ZNF667: variants seen among roughly 807,000 people sequenced by gnomAD.
The protein encoded by ZNF667 is zinc finger protein 667.
A neutral mutation model predicts 31.8 loss-of-function variants in ZNF667; 13 were observed. The observed-to-expected ratio is 0.41, with a 90% CI of 0.27 to 0.65. The LOEUF is 0.65. Ranked by LOEUF, ZNF667 falls within the 30% of genes least tolerant of loss-of-function variation. The pLI, the probability that ZNF667 is intolerant of heterozygous loss-of-function variation, is 0.32. For missense variants in ZNF667, 642 were observed against 725.6 expected (o/e 0.88, Z 1.32); for synonymous variants, 228 against 247.1 (o/e 0.92, Z 0.73).
In ZNF667 at chr19:56,440,923, A is replaced by G; in HGVS notation, c.*239T>C. The G allele has an allele frequency of 7.4e-7, 1 of 1,347,002 alleles. No homozygotes were observed. The highest frequency in any genetic ancestry group is 1.8e-5 in the South Asian group (1 of 55,138). 83.4% of individuals were successfully genotyped at this position (1,347,002 alleles called of 1,614,324 possible). On this transcript the variant is annotated 3_prime_UTR_variant, in exon 7 of 7. Coordinates refer to ENST00000504904, the MANE Select transcript of ZNF667 (RefSeq NM_001321356.2). ...CAGGTGTAAGCCACTGCGCCCAGCC[A>G]GTAATTCTTATCAAATGAAAAATGA...
In ZNF667 at chr19:56,474,404, G is replaced by A. The variant is rs1032982686; in HGVS notation, c.-661-280C>T. 3.3e-5 allele frequency: 5 copies of A among 152,274 alleles called. No homozygotes were observed. The East Asian group carries it at 9.6e-4, about 29-fold the overall frequency. 9.4% of individuals were successfully genotyped at this position (152,274 alleles called of 1,614,324 possible). A position where few individuals can be genotyped will look rare whatever the true frequency, so the allele number is the denominator to read the frequency against. On this transcript the variant is annotated intron_variant, in intron 1 of 6. Coordinates refer to ENST00000504904, the MANE Select transcript of ZNF667 (RefSeq NM_001321356.2). ...CTGAACCTGCCAGCCCCAGAGGCCA[G>A]GGACATACGTAGGCAATTTCTCCAA...
At chr19:56,462,272 A>C in intron 4 of ZNF667, 66 bp downstream of exon 4, 1 of 1,597,462 alleles carries the variant, frequency 6.3e-7, no homozygotes, top group East Asian at 2.2e-5. Context: ...ATGGAAGGAA[A>C]GCAAATGGTC....
At chr19:56,474,543 G>C (rs2147854341) in intron 1 of ZNF667, 1 of 152,398 alleles carries the variant, frequency 6.6e-6, no homozygotes, top group Middle Eastern at 3.4e-3. Flanking sequence ...GCAGGATGGG[G>C]CTAGGAATAC....
chr19:56,469,531 C>A (rs1449476550), intron 3 of ZNF667, among the ~76,000 whole-genome samples: 4 of 152,156 alleles, frequency 2.6e-5, no homozygotes, highest in Admixed American at 1.3e-4. Context: ...TACACCCCCA[C>A]CCCCATGCCA....
chr19:56,458,691 A>G (rs2042984108), intron 5 of ZNF667, among the ~76,000 whole-genome samples: 1 of 152,148 alleles, frequency 6.6e-6, no homozygotes, highest in Non-Finnish European at 1.5e-5. Context: ...TAAAAACTCC[A>G]GTGGACTGGG....
At chr19:56,451,670 A>C (rs1236845891) in intron 6 of ZNF667, among the ~76,000 whole-genome samples, 1 of 152,024 alleles carries the variant, frequency 6.6e-6, no homozygotes, top group African/African-American at 2.4e-5. Context: ...ATAGTCCAAG[A>C]CCAGCCTGGG....
chr19:56,473,810 T>C (rs925809235), intron 2 of ZNF667, among the ~76,000 whole-genome samples: 4 of 152,108 alleles, frequency 2.6e-5, no homozygotes, highest in Admixed American at 6.5e-5. Flanking sequence ...AAACAAAATA[T>C]AGTATACAAA....
chr19:56,464,491 C>G (rs909996809), intron 3 of ZNF667, among the ~76,000 whole-genome samples: 1 of 152,142 alleles, frequency 6.6e-6, no homozygotes, highest in Non-Finnish European at 1.5e-5. Context: ...GAGACCCTGT[C>G]TCAAAAACAA....
At chr19:56,446,067 T>C (rs1301692808) in intron 6 of ZNF667, among the ~76,000 whole-genome samples, 1 of 152,244 alleles carries the variant, frequency 6.6e-6, no homozygotes, top group Non-Finnish European at 1.5e-5. Flanking sequence ...AGATTTTTAT[T>C]TGAATGTGGA....
chr19:56,448,969 G>A (rs1320594951), intron 6 of ZNF667, among the ~76,000 whole-genome samples: 1 of 152,174 alleles, frequency 6.6e-6, no homozygotes, highest in Non-Finnish European at 1.5e-5. Context: ...CAGAGACAGA[G>A]AGACTCCATT....
chr19:56,473,551 G>C (rs1444363420), intron 2 of ZNF667, among the ~76,000 whole-genome samples: 2 of 152,164 alleles, frequency 1.3e-5, no homozygotes, highest in East Asian at 3.9e-4. Context: ...CTAACTGGGG[G>C]TAATTTTGCC....
rs1223002603 is a variant in ZNF667 at position 56,440,814 on chromosome 19, T to C, written c.*348A>G. 18 of 744,166 alleles carry C rather than the reference T, an allele frequency of 2.4e-5. No individual in the cohort carries two copies. The highest frequency in any genetic ancestry group is 3.8e-5 in the African/African-American group (2 of 53,228). The allele number at this position is 744,166 out of a possible 1,614,324, so 46.1% of individuals were successfully genotyped here. ...ACCACGCCCAGCTAATTTTGTATTT[T>C]TTAGTAGAGACAGGGTTTCACCGTG... On this transcript the variant is annotated 3_prime_UTR_variant, in exon 7 of 7. Coordinates refer to ENST00000504904, the MANE Select transcript of ZNF667 (RefSeq NM_001321356.2).
At chr19:56,463,881 TTAAAATTATTGC>T (rs1409377468) in intron 3 of ZNF667, among the ~76,000 whole-genome samples, 10 of 152,160 alleles carry the variant, frequency 6.6e-5, no homozygotes, top group Non-Finnish European at 2.9e-5. Flanking sequence ...AAAATAAAAT[TTAAAATTATTGC>T]TAAAATTATT....
intron 5 of ZNF667, among the ~76,000 whole-genome samples, chr19:56,458,535 G>A (rs920497319): frequency 6.6e-5 from 10 of 152,242 alleles, no homozygotes; most frequent in African/African-American, 1.9e-4. Context: ...ACAGCCTTCA[G>A]ATGGGGGCTG....
chr19:56,447,478 G>C (rs555420995), intron 6 of ZNF667, among the ~76,000 whole-genome samples: 4 of 152,230 alleles, frequency 2.6e-5, no homozygotes, highest in African/African-American at 9.6e-5. Context: ...ACTGGTACTT[G>C]GGAGGCTGAG....
At chr19:56,468,617 A>G (rs1255217664) in intron 3 of ZNF667, 1 of 152,248 alleles carries the variant, frequency 6.6e-6, no homozygotes, top group Non-Finnish European at 1.5e-5. Flanking sequence ...GTGTGTCCTT[A>G]GCCTTGGCAA....
chr19:56,444,276 T>G (rs1278741023), intron 6 of ZNF667: 1 of 398,320 alleles, frequency 2.5e-6, no homozygotes, highest in Non-Finnish European at 4.4e-6. Flanking sequence ...GAGGCCTCAG[T>G]GAGCTCTTAC....
intron 6 of ZNF667, among the ~76,000 whole-genome samples, chr19:56,455,802 G>T (rs1018669977): frequency 7.9e-5 from 12 of 152,178 alleles, no homozygotes; most frequent in African/African-American, 2.7e-4. Context: ...ATAAAAGCTT[G>T]AGGTGATAGA....
At chr19:56,450,561 G>T (rs774991593) in intron 6 of ZNF667, among the ~76,000 whole-genome samples, 1 of 151,854 alleles carries the variant, frequency 6.6e-6, no homozygotes, top group Non-Finnish European at 1.5e-5. Context: ...TAACTGCACA[G>T]ATAAATACAA....
Sources: gnomAD v4.1 joint callset for allele counts (sites outside exome capture counted in the v4.1 genomes callset) on GRCh38, gnomAD v4.1.1 for gene constraint, MANE v1.5 for transcripts, NCBI Gene and HGNC (gene_info 2026-07-23, HGNC 2026-07-21) for gene names.